Variants in GUSB observed in about 807,000 individuals in gnomAD.
GUSB encodes glucuronidase beta.
GUSB carries 51 observed loss-of-function variants against 74.6 expected under a neutral mutation model. The observed-to-expected ratio is 0.68, with a 90% CI of 0.55 to 0.86. The LOEUF is 0.86. GUSB is among the 40% of genes least tolerant of loss of function. The pLI is 0.00. For synonymous variants in GUSB, 360 were observed against 348.3 expected (o/e 1.03, Z -0.37); for missense variants, 736 against 853.7 (o/e 0.86, Z 1.72).
intron 6 of GUSB, 48 bp from the exon 7 acceptor site, chr7:65,974,752 C>T: frequency 6.2e-7 from 1 of 1,603,898 alleles, no homozygotes; most frequent in Non-Finnish European, 8.5e-7. Flanking sequence ...CGAAGCTGCA[C>T]TTCCTCTGAG....
rs564977561 is a variant in GUSB, at chr7:65,966,346, G to T, written c.1653+1385C>A. 5.3e-5 allele frequency among the ~76,000 whole-genome samples: 8 copies of T among 152,236 alleles called. No individual in the cohort carries two copies. In the South Asian group the frequency reaches 1.7e-3, roughly 32 times the overall value. On this transcript the variant is annotated intron_variant, in intron 10 of 11. Coordinates refer to ENST00000304895, the MANE Select transcript of GUSB (RefSeq NM_000181.4). The stretch of plus-strand genomic sequence containing the variant: ...TCCACTGTGGGTGGCTGTTCCCTGT[G>T]TGTCAACCAGGAGCTGTGACAAACA...
At chr7:65,962,613 C>G (rs1389038921) in intron 11 of GUSB, among the ~76,000 whole-genome samples, 1 of 152,192 alleles carries the variant, frequency 6.6e-6, no homozygotes, top group South Asian at 2.1e-4. Flanking sequence ...TGGCTCATGC[C>G]TGTAATCCCA....
rs1791110203 is a variant in GUSB at position 65,970,341 on chromosome 7, A to G, written c.1417T>C (p.Leu473=). ...AAGGTCACAGGCCGGGAGGGGTCCAAGGATTTGGTGTGAGCGATCACCATC... is the reference window on the plus strand; with the variant it reads ...AAGGTCACAGGCCGGGAGGGGTCCAGGGATTTGGTGTGAGCGATCACCATC... ...LKMVIAHTKS[L]DPSRPVTFVS... Residue 473 remains leucine (L), a synonymous_variant, in exon 9 of 12, where the codon TTG becomes CTG. Transcript: ENST00000304895. 1.2e-6 allele frequency: 2 copies of G among 1,613,142 alleles called. No individual in the cohort carries two copies. The highest frequency in any genetic ancestry group is 8.5e-7 in the Non-Finnish European group (1 of 1,179,484).
chr7:65,976,254 C>T (rs1791570386), intron 4 of GUSB, 52 bp from the exon 5 acceptor site: 2 of 1,345,580 alleles, frequency 1.5e-6, no homozygotes, highest in African/African-American at 1.4e-5. Context: ...ACCTGAGTCA[C>T]ACAAACAGGA....
intron 11 of GUSB, among the ~76,000 whole-genome samples, chr7:65,963,784 G>A (rs563606899): frequency 1.2e-3 from 182 of 152,194 alleles, no homozygotes; most frequent in African/African-American, 4.0e-3. Flanking sequence ...GGCCTCAAGC[G>A]ATCCTCCCAC....
chr7:65,967,994 A>G, intron 9 of GUSB, 87 bp from the exon 10 acceptor site: 1 of 1,113,856 alleles, frequency 9.0e-7, no homozygotes, highest in South Asian at 1.3e-5. Flanking sequence ...TCTGGCAGAG[A>G]AGGTAAGGGG....
At chr7:65,974,758 C>CT in intron 6 of GUSB, 54 bp from the exon 7 acceptor site, 1 of 1,601,152 alleles carries the variant, frequency 6.2e-7, no homozygotes, top group Non-Finnish European at 8.5e-7. Flanking sequence ...TGCACTTCCT[C>CT]TGAGAGCCAG....
chr7:65,981,902 CG>C, intron 1 of GUSB, 71 bp downstream of exon 1: 1 of 1,319,320 alleles, frequency 7.6e-7, no homozygotes, highest in Non-Finnish European at 1.0e-6. Flanking sequence ...AAGAAGTCTG[CG>C]GGGGGCCCGG....
chr7:65,974,656 G>C lies in GUSB; in HGVS notation c.1114C>G (p.Leu372Val), dbSNP rs1397386043. The change falls in exon 7 of 12, where the codon CTG (leucine) becomes GTG (valine). Residue 372 changes from leucine (L) to valine (V), a missense_variant. Physicochemically the swap from Leu to Val is conservative, Grantham distance 32 (BLOSUM62 1). Around this residue, in one of 2 missense-constraint regions of GUSB, gnomAD observed 368 missense variants for 489.9 expected, o/e 0.75. Coordinates refer to ENST00000304895, the MANE Select transcript of GUSB (RefSeq NM_000181.4). ...GCGTTGGCACCAAGCCAGCGAAGCA[G>C]GTTGAAGTCCTTCACCAGCAGCGGC... Reference protein sequence around the residue: ...DWPLLVKDFNLLRWLGANAFR... With the variant: ...DWPLLVKDFNVLRWLGANAFR... The C allele has an allele frequency of 6.2e-7, 1 of 1,613,816 alleles. No homozygotes were observed. Among genetic ancestry groups the C allele is most frequent in the Non-Finnish European group, 8.5e-7 (1 of 1,180,048 alleles).
In GUSB at chr7:65,975,725, C is replaced by T. The variant is rs149537979; in HGVS notation, c.912+290G>A. ...ATTTAGCCAGACATGGTGGCATGTG[C>T]CTGTAGTCCCAGCTACTCAGGAGGC... On this transcript the variant is annotated intron_variant, in intron 5 of 11. Transcript: ENST00000304895. 4.0e-3 allele frequency: 1,260 copies of T among 318,958 alleles called. 19 individuals are homozygous for T. Among genetic ancestry groups the T allele is most frequent in the African/African-American group, 0.025 (1,176 of 46,322 alleles). 19.8% of individuals were successfully genotyped at this position (318,958 alleles called of 1,614,324 possible).
At chr7:65,975,848 CAA>C (rs112120049) in intron 5 of GUSB, 165 bp downstream of exon 5, 36,656 of 423,718 alleles carry the variant, frequency 0.087, 1 homozygote, top group East Asian at 0.13. Context: ...GAGACCATCT[CAA>C]AAAAAAAAAA....
chr7:65,974,504 C>A lies in GUSB; in HGVS notation c.1244+22G>T, dbSNP rs761072229. ...ACGCCCCCGGGCTGGGCAGGCGGAG[C>A]AGGTGCACAGCAGAGACTCACGGCA... On this transcript the variant is annotated intron_variant, in intron 7 of 11. Coordinates refer to ENST00000304895, the MANE Select transcript of GUSB (RefSeq NM_000181.4). 4 of 1,614,118 alleles carry A rather than the reference C, an allele frequency of 2.5e-6. No individual in the cohort carries two copies. The Admixed American group carries it at 6.7e-5, about 27-fold the overall frequency.
rs763253448 is a variant in GUSB at position 65,979,738 on chromosome 7, A to G, written c.570T>C (p.Thr190=). 3.7e-6 allele frequency: 6 copies of G among 1,613,600 alleles called. No homozygotes were observed. Among genetic ancestry groups the G allele is most frequent in the Non-Finnish European group, 5.1e-6 (6 of 1,179,942 alleles). Residue 190 remains threonine, a synonymous_variant, in exon 3 of 12, where the codon ACT becomes ACC. Coordinates refer to ENST00000304895, the MANE Select transcript of GUSB (RefSeq NM_000181.4). ...TLPPGTIQYL[T]DTSKYPKGYF... is the part of the protein sequence containing the mutation. The stretch of plus-strand genomic sequence containing the variant: ...AGGATGGTACCCACTTGGAGGTGTC[A>G]GTCAGGTATTGGATGGTCCCTGGTG...
intron 5 of GUSB, chr7:65,975,363 G>T (rs1791498594): frequency 4.4e-6 from 2 of 449,956 alleles, no homozygotes; most frequent in South Asian, 2.1e-5. Context: ...CCTGCTGACA[G>T]ACTGAGACCC....
chr7:65,980,113 A>AC (rs952081678), intron 2 of GUSB, 111 bp downstream of exon 2: 7 of 1,146,830 alleles, frequency 6.1e-6, no homozygotes, highest in African/African-American at 3.1e-5. Flanking sequence ...GCAGGGCAGG[A>AC]CCCCCCACCA....
chr7:65,964,132 G>T (rs574171529), intron 11 of GUSB, 191 bp downstream of exon 11: 4 of 654,082 alleles, frequency 6.1e-6, no homozygotes, highest in South Asian at 1.7e-5. Flanking sequence ...GGAGGCGGGG[G>T]CCTGATTGCT....
At position 65,974,627 on chromosome 7, in the gene GUSB, G is replaced by C; in HGVS notation, c.1143C>G (p.Phe381Leu). 1 of 1,614,046 alleles carries C rather than the reference G, an allele frequency of 6.2e-7. No individual in the cohort carries two copies. Among genetic ancestry groups the C allele is most frequent in the Non-Finnish European group, 8.5e-7 (1 of 1,180,016 alleles). ...NLLRWLGANA[F>L]RTSHYPYAEE... Reference sequence around the variant, plus strand: ...CTGCATAGGGGTAGTGGCTGGTACGGAAAGCGTTGGCACCAAGCCAGCGAA... The same window carrying C: ...CTGCATAGGGGTAGTGGCTGGTACGCAAAGCGTTGGCACCAAGCCAGCGAA... The change falls in exon 7 of 12, where the codon TTC becomes TTG. Residue 381 changes from phenylalanine to leucine, a missense_variant. Physicochemically the swap from Phe to Leu is conservative, Grantham distance 22 (BLOSUM62 0). This residue lies in a region of GUSB where 368 missense variants were observed against 489.9 expected (regional missense o/e 0.75). Coordinates refer to ENST00000304895, the MANE Select transcript of GUSB (RefSeq NM_000181.4).
rs1357654478 is a variant in GUSB at position 65,967,839 on chromosome 7, C to G, written c.1545G>C (p.Glu515Asp). 1 of 1,608,910 alleles carries G rather than the reference C, an allele frequency of 6.2e-7. No homozygotes were observed. Among genetic ancestry groups the G allele is most frequent in the East Asian group, 2.2e-5 (1 of 44,882 alleles). ...GGGTGGCCAGCTGCAGCTGAATCAA[C>G]TCCAGGTGCCCGTAGTCGTGATACC... ...YSWYHDYGHL[E>D]LIQLQLATQF... is the part of the protein sequence containing the mutation. Residue 515 changes from glutamate (E) to aspartate (D), a missense_variant, in exon 10 of 12, where the codon GAG becomes GAC. Physicochemically the swap from Glu to Asp is conservative, Grantham distance 45 (BLOSUM62 2). Transcript: ENST00000304895.
chr7:65,968,072 C>T (rs1483926382), intron 9 of GUSB, among the ~76,000 whole-genome samples, 165 bp from the exon 10 acceptor site: 1 of 151,910 alleles, frequency 6.6e-6, no homozygotes, highest in African/African-American at 2.4e-5. Context: ...GGCAACACAG[C>T]AAGACTGCAG....
Sources: allele counts gnomAD v4.1 joint callset (sites outside exome capture counted in the v4.1 genomes callset), GRCh38; gene constraint gnomAD v4.1.1; regional missense constraint gnomAD v4.1.1; transcripts MANE v1.5; gene names NCBI Gene and HGNC (gene_info 2026-07-23, HGNC 2026-07-21).